Variants in UNC13C observed in about 807,000 individuals in gnomAD.
The protein encoded by UNC13C is protein unc-13 homolog C.
Under a neutral mutation model 245.4 loss-of-function variants are expected in UNC13C, and 174 were observed. That is an observed-to-expected ratio of 0.71 (90% CI 0.63 to 0.80). The LOEUF (loss-of-function observed/expected upper bound fraction) is 0.80. Ranked by LOEUF, UNC13C falls within the 30% of genes least tolerant of loss-of-function variation. The probability of loss-of-function intolerance (pLI) is 0.00; values close to 1 mark genes in which losing one functional copy is unlikely to be tolerated. For synonymous variants in UNC13C, 992 were observed against 895.1 expected (o/e 1.11, Z -1.93); for missense variants, 2,829 against 2,602.9 (o/e 1.09, Z -1.89).
At chr15:53,869,431 AAG>A in the UNC13C span, among the ~76,000 whole-genome samples, 92,889 of 151,830 alleles carry the variant, frequency 0.61, 28,495 homozygotes, top group East Asian at 0.68. Context: ...TGCCAATAAA[AAG>A]GGTAATTCAT....
intron 4 of UNC13C, among the ~76,000 whole-genome samples, chr15:54,147,427 G>A (rs901149868): frequency 6.6e-6 from 1 of 152,024 alleles, no homozygotes; most frequent in Non-Finnish European, 1.5e-5. Flanking sequence ...CACCATGTTA[G>A]CCAGGATGGT....
chr15:54,208,260 C>G (rs1009553881), intron 4 of UNC13C, among the ~76,000 whole-genome samples: 1 of 152,072 alleles, frequency 6.6e-6, no homozygotes, highest in African/African-American at 2.4e-5. Context: ...TGACCCCCGC[C>G]CTGTGATACT....
chr15:54,171,391 A>G (rs1405169029), intron 4 of UNC13C, among the ~76,000 whole-genome samples: 1 of 152,130 alleles, frequency 6.6e-6, no homozygotes, highest in Non-Finnish European at 1.5e-5. Context: ...CAAGGGACTC[A>G]AACAACACTA....
intron 1 of UNC13C, among the ~76,000 whole-genome samples, chr15:54,006,207 A>G (rs1340667602): frequency 3.3e-5 from 5 of 152,180 alleles, no homozygotes; most frequent in Non-Finnish European, 7.3e-5. Context: ...ATTAGTACTC[A>G]GTGCCATTGT....
At chr15:54,086,661 C>T (rs563357012) in intron 2 of UNC13C, among the ~76,000 whole-genome samples, 3 of 150,984 alleles carry the variant, frequency 2.0e-5, no homozygotes, top group Non-Finnish European at 4.4e-5. Flanking sequence ...CAGCAATGTG[C>T]TACCATGGAA....
chr15:54,396,050 TAGGTC>T (rs2040062900), intron 18 of UNC13C, among the ~76,000 whole-genome samples: 1 of 151,434 alleles, frequency 6.6e-6, no homozygotes. Context: ...CTTTCAGATT[TAGGTC>T]CAGGTTTCTG....
intron 2 of UNC13C, among the ~76,000 whole-genome samples, chr15:54,028,840 G>A (rs1028403856): frequency 4.6e-5 from 7 of 151,910 alleles, no homozygotes; most frequent in Non-Finnish European, 1.0e-4. Context: ...ACAGGCGCCC[G>A]CAGCCTGCAG....
intron 2 of UNC13C, among the ~76,000 whole-genome samples, chr15:54,130,712 C>G (rs924912409): frequency 6.6e-6 from 1 of 152,166 alleles, no homozygotes; most frequent in African/African-American, 2.4e-5. Flanking sequence ...ATAGGCAAAT[C>G]TTTTCCATTC....
At chr15:53,901,101 TATTTA>T in the UNC13C span, among the ~76,000 whole-genome samples, 1 of 152,034 alleles carries the variant, frequency 6.6e-6, no homozygotes, top group Admixed American at 6.5e-5. Context: ...TTTTCTTCTA[TATTTA>T]ATTTATTATA....
chr15:54,128,636 T>G (rs2031209685), intron 2 of UNC13C, among the ~76,000 whole-genome samples: 1 of 152,186 alleles, frequency 6.6e-6, no homozygotes, highest in Non-Finnish European at 1.5e-5. Flanking sequence ...AGGCATGGTT[T>G]GACATTTCTC....
the UNC13C span, among the ~76,000 whole-genome samples, chr15:53,894,622 A>G: frequency 1.3e-5 from 2 of 152,290 alleles, no homozygotes; most frequent in East Asian, 3.9e-4. Context: ...TAAGGAAGAC[A>G]ATTGTTGAGA....
intron 4 of UNC13C, among the ~76,000 whole-genome samples, chr15:54,164,217 GTTTAA>G (rs2033083052): frequency 6.6e-6 from 1 of 152,026 alleles, no homozygotes; most frequent in South Asian, 2.1e-4. Flanking sequence ...TTTATGTGTC[GTTTAA>G]TTTAAATTAT....
At chr15:54,073,896 G>C (rs1370015905) in intron 2 of UNC13C, among the ~76,000 whole-genome samples, 5 of 151,904 alleles carry the variant, frequency 3.3e-5, no homozygotes, top group African/African-American at 1.2e-4. Context: ...GATCCCATTT[G>C]TCAATTTTAG....
At chr15:53,949,570 A>G in the UNC13C span, among the ~76,000 whole-genome samples, 1 of 152,302 alleles carries the variant, frequency 6.6e-6, no homozygotes, top group Non-Finnish European at 1.5e-5. Context: ...ATTAGTGTTA[A>G]TTGCAGTGTG....
intron 19 of UNC13C, among the ~76,000 whole-genome samples, chr15:54,479,071 G>A (rs28662893): frequency 0.41 from 62,340 of 151,440 alleles, 13,056 homozygotes; most frequent in East Asian, 0.62. Flanking sequence ...TCACCAAGGT[G>A]TGTTCGTGGT....
intron 4 of UNC13C, among the ~76,000 whole-genome samples, chr15:54,146,232 G>C (rs2141242614): frequency 6.6e-6 from 1 of 152,190 alleles, no homozygotes; most frequent in Non-Finnish European, 1.5e-5. Flanking sequence ...AAAAAACTAT[G>C]ACTGGGGCAG....
chr15:54,544,263 C>G (rs1026473556), intron 26 of UNC13C, among the ~76,000 whole-genome samples: 1 of 152,132 alleles, frequency 6.6e-6, no homozygotes, highest in Non-Finnish European at 1.5e-5. Flanking sequence ...GCTAAAAAAA[C>G]TCTCAATAAA....
At chr15:54,211,735 G>A (rs927914349) in intron 4 of UNC13C, among the ~76,000 whole-genome samples, 6 of 152,022 alleles carry the variant, frequency 3.9e-5, no homozygotes, top group Non-Finnish European at 7.4e-5. Context: ...GGGATTTCAT[G>A]GGATATCCAT....
At chr15:54,148,835 T>G (rs1292665991) in intron 4 of UNC13C, among the ~76,000 whole-genome samples, 36 of 152,196 alleles carry the variant, frequency 2.4e-4, no homozygotes, top group Admixed American at 2.4e-3. Context: ...GGCACCATCC[T>G]TGCATGCTCT....
Sources: allele counts gnomAD v4.1 joint callset (sites outside exome capture counted in the v4.1 genomes callset), GRCh38; gene constraint gnomAD v4.1.1; transcripts MANE v1.5; gene names NCBI Gene and HGNC (gene_info 2026-07-23, HGNC 2026-07-21).